Variants in DNAH3 observed in about 807,000 individuals in gnomAD.
DNAH3 encodes axonemal beta dynein heavy chain 3.
In DNAH3, 332 loss-of-function variants were observed where a neutral mutation model predicts 432.5. The observed-to-expected ratio is 0.77, with a 90% CI of 0.70 to 0.84. The LOEUF is 0.84. Among genes scored for constraint, DNAH3 ranks in the 40% least tolerant of loss-of-function variants. DNAH3 has a pLI of 0.00. For synonymous variants in DNAH3, 1,956 were observed against 1,900.2 expected (o/e 1.03, Z -0.76); for missense variants, 4,861 against 5,114.0 (o/e 0.95, Z 1.51).
At chr16:20,944,778 C>G in intron 57 of DNAH3, 115 bp from the exon 58 acceptor site, 2 of 326,114 alleles carry the variant, frequency 6.1e-6, no homozygotes, top group Non-Finnish European at 1.1e-5. Flanking sequence ...TAGCACAGGA[C>G]ACACACACAC....
chr16:21,102,452 G>A (rs1236495359), intron 16 of DNAH3, among the ~76,000 whole-genome samples: 8 of 152,132 alleles, frequency 5.3e-5, no homozygotes, highest in African/African-American at 1.7e-4. Flanking sequence ...CTGTTCAAAG[G>A]GAGAAGGAAG....
At chr16:21,058,441 T>C (rs77118590) in intron 26 of DNAH3, among the ~76,000 whole-genome samples, 3,252 of 152,254 alleles carry the variant, frequency 0.021, 123 homozygotes, top group African/African-American at 0.073. Flanking sequence ...TGCTCCCATT[T>C]ATCAAATTTT....
At chr16:21,057,717 G>A (rs74943127) in intron 27 of DNAH3, among the ~76,000 whole-genome samples, 1 of 152,106 alleles carries the variant, frequency 6.6e-6, no homozygotes, top group Non-Finnish European at 1.5e-5. Context: ...TAGGGGTGAT[G>A]AGAAGGAGGC....
intron 32 of DNAH3, 148 bp downstream of exon 32, chr16:21,041,879 G>T (rs2089459713): frequency 2.4e-6 from 2 of 848,248 alleles, no homozygotes; most frequent in African/African-American, 3.4e-5. Context: ...CACCACATTG[G>T]ACAGGCTGAT....
At chr16:21,119,722 G>A (rs1405451949) in intron 11 of DNAH3, among the ~76,000 whole-genome samples, 3 of 151,416 alleles carry the variant, frequency 2.0e-5, no homozygotes, top group Non-Finnish European at 2.9e-5. Context: ...TCAGCCTCCC[G>A]AGTAGCTGGG....
In DNAH3 at chr16:21,070,872, C is replaced by A. The variant is rs755560161; in HGVS notation, c.3085-46G>T. The A allele has an allele frequency of 8.3e-6, 10 of 1,208,770 alleles. No homozygotes were observed. In the Admixed American group the frequency reaches 1.2e-4, roughly 15 times the overall value. 74.9% of individuals were successfully genotyped at this position (1,208,770 alleles called of 1,614,324 possible). A position where few individuals can be genotyped will look rare whatever the true frequency, so the allele number is the denominator to read the frequency against. ...CCCTGTCAAGATTGTGAAACCTCCC[C>A]ATTTTTCTTTTCCTTTTTTAAAAAT... On this transcript the variant is annotated intron_variant, in intron 21 of 61. Coordinates refer to ENST00000261383, the Ensembl canonical transcript of DNAH3.
At chr16:21,032,718 T>C (rs995381993) in intron 36 of DNAH3, among the ~76,000 whole-genome samples, 9 of 151,792 alleles carry the variant, frequency 5.9e-5, no homozygotes, top group Non-Finnish European at 1.2e-4. Context: ...GAGCCTGAGA[T>C]AGGAGGATTG....
chr16:20,985,732 T>A lies in DNAH3; in HGVS notation c.7027-17A>T. On this transcript the variant is annotated splice_polypyrimidine_tract_variant and intron_variant, in intron 47 of 61. Coordinates refer to ENST00000261383, the Ensembl canonical transcript of DNAH3. Reference sequence around the variant, plus strand: ...GATAAGCACCTGTAAGAAAAGTAAATCTCGGCGGGGCATTCAGTGAATGGC... The same window carrying A: ...GATAAGCACCTGTAAGAAAAGTAAAACTCGGCGGGGCATTCAGTGAATGGC... 6.2e-7 allele frequency: 1 copy of A among 1,604,860 alleles called. No homozygotes were observed.
At chr16:20,957,984 T>C (rs2084649689) in intron 54 of DNAH3, among the ~76,000 whole-genome samples, 1 of 151,662 alleles carries the variant, frequency 6.6e-6, no homozygotes, top group Admixed American at 6.6e-5. Context: ...CTGTTTCCAA[T>C]GTTGATTAAA....
intron 1 of DNAH3, among the ~76,000 whole-genome samples, chr16:21,153,091 TG>T (rs770598668): frequency 2.2e-4 from 34 of 152,328 alleles, no homozygotes; most frequent in South Asian, 1.7e-3. Flanking sequence ...AGAACCTTTA[TG>T]GCTAGCTCAG....
intron 1 of DNAH3, chr16:21,158,819 A>G: frequency 6.2e-6 from 1 of 160,560 alleles, no homozygotes. Flanking sequence ...GGGCGGGGAC[A>G]GAGGAGGAGC....
Position 21,019,707 on chromosome 16 carries a change from C to A in DNAH3, c.5939G>T (p.Arg1980Leu), listed in dbSNP as rs772935570. The A allele has an allele frequency of 3.7e-6, 6 of 1,614,084 alleles. No individual in the cohort carries two copies. In the Admixed American group the frequency reaches 8.3e-5, roughly 22 times the overall value. Residue 1980 changes from arginine (R) to leucine (L), a missense_variant, in exon 41 of 62, where the codon CGC (arginine) becomes CTC (leucine). Physicochemically the swap from Arg to Leu is moderately radical, Grantham distance 102 (BLOSUM62 -2). Coordinates refer to ENST00000261383, the Ensembl canonical transcript of DNAH3. Reference sequence around the variant, plus strand: ...ATCATCCATGCCCATGATCAGGTTGCGGAAAAACACATCAAATTTCTTTCT... The same window carrying A: ...ATCATCCATGCCCATGATCAGGTTGAGGAAAAACACATCAAATTTCTTTCT...
chr16:21,156,045 CAG>C (rs1449719534), intron 1 of DNAH3, among the ~76,000 whole-genome samples: 1 of 152,112 alleles, frequency 6.6e-6, no homozygotes, highest in Non-Finnish European at 1.5e-5. Flanking sequence ...AGTTCACAAT[CAG>C]GGTGCCAGGG....
chr16:21,020,348 G>GTGTATATATATATA lies in DNAH3; in HGVS notation c.5777-480_5777-479insTATATATATATACA. On this transcript the variant is annotated intron_variant, in intron 40 of 61. Transcript: ENST00000261383. ...ACTGCTGTATAATAATATAGTGTGT[G>GTGTATATATATATA]TATATATATATATATATATAAAATC... Among the ~76,000 whole-genome samples, 17 of 69,154 alleles carry GTGTATATATATATA rather than the reference G, an allele frequency of 2.5e-4. 1 individual carries two copies. The highest frequency in any genetic ancestry group is 9.0e-4 in the African/African-American group (14 of 15,638). The allele number at this position is 69,154 out of a possible 152,430, so 45.4% of individuals were successfully genotyped here. A position where few individuals can be genotyped will look rare whatever the true frequency, so the allele number is the denominator to read the frequency against.
At chr16:21,019,390 C>A in intron 41 of DNAH3, 1 of 544,104 alleles carries the variant, frequency 1.8e-6, no homozygotes. Flanking sequence ...GAACTGCTGA[C>A]CTCAAGTGAT....
chr16:20,973,218 A>G (rs1301186388), intron 51 of DNAH3, among the ~76,000 whole-genome samples: 1 of 151,990 alleles, frequency 6.6e-6, no homozygotes, highest in African/African-American at 2.4e-5. Context: ...ACTGAACCTC[A>G]ATGCTGTCAA....
At chr16:21,033,100 G>A (rs867017638) in intron 36 of DNAH3, among the ~76,000 whole-genome samples, 38 of 152,034 alleles carry the variant, frequency 2.5e-4, no homozygotes, top group Non-Finnish European at 4.1e-4. Flanking sequence ...TCAAAATGCC[G>A]GGATTATGGG....
At chr16:21,155,951 C>G (rs534478074) in intron 1 of DNAH3, among the ~76,000 whole-genome samples, 85 of 152,164 alleles carry the variant, frequency 5.6e-4, no homozygotes, top group African/African-American at 2.0e-3. Context: ...AGTTTCAATC[C>G]TTGGAGGCTA....
intron 51 of DNAH3, among the ~76,000 whole-genome samples, chr16:20,970,508 G>C (rs1172167013): frequency 1.3e-5 from 2 of 152,136 alleles, no homozygotes; most frequent in African/African-American, 4.8e-5. Context: ...TGGCCGACAA[G>C]AGTGAAATTG....
Sources: allele counts gnomAD v4.1 joint callset (sites outside exome capture counted in the v4.1 genomes callset), GRCh38; gene constraint gnomAD v4.1.1; transcripts MANE v1.5; gene names NCBI Gene and HGNC (gene_info 2026-07-23, HGNC 2026-07-21).